TENM2: variants seen among roughly 807,000 people sequenced by gnomAD.
The protein encoded by TENM2 is teneurin-2.
A neutral mutation model predicts 245.2 loss-of-function variants in TENM2; 52 were observed. The observed-to-expected ratio is 0.21, with a 90% CI of 0.17 to 0.27. TENM2 has a LOEUF of 0.27. Ranked by LOEUF, TENM2 falls within the 10% of genes least tolerant of loss-of-function variation. The probability of loss-of-function intolerance (pLI) is 1.00; values close to 1 mark genes in which losing one functional copy is unlikely to be tolerated. For missense variants in TENM2, 3,046 were observed against 3,666.8 expected (o/e 0.83, Z 4.37); for synonymous variants, 1,363 against 1,438.9 (o/e 0.95, Z 1.19).
chr5:167,303,956 AT>A lies in TENM2; in HGVS notation c.226+18898del, dbSNP rs544407948. Among the ~76,000 whole-genome samples, 484 of 152,254 alleles carry A rather than the reference AT, an allele frequency of 3.2e-3. 3 individuals are homozygous for A. Among genetic ancestry groups the A allele is most frequent in the African/African-American group, 0.01 (424 of 41,526 alleles). ...CAAGAAAATTGAGCAATCTGGATTTATTTTTATATAAAATCCCCAGATTTAA... is the reference window on the plus strand; with the variant it reads ...CAAGAAAATTGAGCAATCTGGATTTATTTTATATAAAATCCCCAGATTTAA... On this transcript the variant is annotated intron_variant, in intron 1 of 28. Transcript: ENST00000518659.
the TENM2 span, among the ~76,000 whole-genome samples, chr5:167,141,276 A>C: frequency 2.6e-5 from 4 of 152,242 alleles, no homozygotes; most frequent in African/African-American, 9.6e-5. Context: ...CTCTTGTAGC[A>C]GATGTGGCCT....
chr5:167,925,752 C>T (rs1248640730), intron 3 of TENM2, among the ~76,000 whole-genome samples: 2 of 152,222 alleles, frequency 1.3e-5, no homozygotes, highest in East Asian at 3.8e-4. Context: ...GGTACATATA[C>T]ACCATGGAAT....
chr5:167,383,724 A>T (rs1252071914), intron 2 of TENM2, among the ~76,000 whole-genome samples: 1 of 98,804 alleles, frequency 1.0e-5, no homozygotes, highest in Admixed American at 9.6e-5. Context: ...AAACTGGTGC[A>T]GGATAAAAAA....
At chr5:167,261,020 A>C in the TENM2 span, among the ~76,000 whole-genome samples, 2 of 152,150 alleles carry the variant, frequency 1.3e-5, no homozygotes, top group African/African-American at 4.8e-5. Context: ...AACATGGAAA[A>C]CTTAAATTAG....
At chr5:168,165,647 A>ACCC in intron 13 of TENM2, among the ~76,000 whole-genome samples, 1 of 15,908 alleles carries the variant, frequency 6.3e-5, no homozygotes, top group Non-Finnish European at 1.2e-4. Context: ...TCCCCCCCCC[A>ACCC]ACCCCCCCCC....
intron 3 of TENM2, among the ~76,000 whole-genome samples, chr5:167,951,857 CACAT>C (rs987235056): frequency 3.9e-5 from 6 of 152,176 alleles, no homozygotes; most frequent in Non-Finnish European, 7.3e-5. Flanking sequence ...TGTGTATACA[CACAT>C]ACATACGCAA....
intron 2 of TENM2, among the ~76,000 whole-genome samples, chr5:167,778,377 G>A (rs1763954783): frequency 6.6e-6 from 1 of 152,188 alleles, no homozygotes; most frequent in Admixed American, 6.5e-5. Flanking sequence ...TTTAGGTCTA[G>A]TGTGTTGGGC....
At chr5:166,985,621 GA>G in the TENM2 span, among the ~76,000 whole-genome samples, 1 of 151,998 alleles carries the variant, frequency 6.6e-6, no homozygotes, top group Non-Finnish European at 1.5e-5. Flanking sequence ...ATTACTAAAG[GA>G]AAAAAATCAA....
chr5:167,337,215 G>A (rs992800684), intron 1 of TENM2, among the ~76,000 whole-genome samples: 4 of 148,748 alleles, frequency 2.7e-5, no homozygotes, highest in African/African-American at 9.9e-5. Context: ...AATTTGTAGT[G>A]TACGTAAGAC....
chr5:167,838,491 T>C (rs1769206384), intron 2 of TENM2, among the ~76,000 whole-genome samples: 1 of 152,190 alleles, frequency 6.6e-6, no homozygotes, highest in African/African-American at 2.4e-5. Context: ...GAAGCTTCCA[T>C]TGCTTACTGT....
intron 2 of TENM2, among the ~76,000 whole-genome samples, chr5:167,706,726 G>A (rs1424361151): frequency 6.6e-6 from 1 of 151,862 alleles, no homozygotes; most frequent in Non-Finnish European, 1.5e-5. Flanking sequence ...GTGTTAAAGG[G>A]TTGCCCGGCC....
chr5:167,399,485 C>A (rs1171708864), intron 2 of TENM2, among the ~76,000 whole-genome samples: 1 of 152,112 alleles, frequency 6.6e-6, no homozygotes, highest in Non-Finnish European at 1.5e-5. Flanking sequence ...ACTAGAAATA[C>A]AAAGATAAAT....
At position 167,403,590 on chromosome 5, in the gene TENM2, A is replaced by G. The variant is rs76998951; in HGVS notation, c.502+28117A>G. Among the ~76,000 whole-genome samples, 225 of 152,268 alleles carry G rather than the reference A, an allele frequency of 1.5e-3. 3 individuals carry two copies. The East Asian group carries it at 0.039, about 27-fold the overall frequency. ...AAAAAACTTTTATAACATTTTAAAAACTGGGATTAGAAGATCCTAAAACCT... is the reference window on the plus strand; with the variant it reads ...AAAAAACTTTTATAACATTTTAAAAGCTGGGATTAGAAGATCCTAAAACCT... On this transcript the variant is annotated intron_variant, in intron 2 of 28. Coordinates refer to ENST00000518659, the Ensembl canonical transcript of TENM2.
chr5:167,270,889 C>T, the TENM2 span, among the ~76,000 whole-genome samples: 5 of 152,170 alleles, frequency 3.3e-5, no homozygotes, highest in Non-Finnish European at 5.9e-5. Context: ...ATTTTCCCAT[C>T]TCTAAAACAC....
intron 2 of TENM2, among the ~76,000 whole-genome samples, chr5:167,811,316 G>T (rs1298600176): frequency 2.0e-5 from 3 of 152,068 alleles, no homozygotes; most frequent in South Asian, 4.1e-4. Flanking sequence ...ATGGCTTGGT[G>T]CTGTCCTTGC....
chr5:167,078,723 A>C, the TENM2 span, among the ~76,000 whole-genome samples: 1 of 152,208 alleles, frequency 6.6e-6, no homozygotes, highest in Non-Finnish European at 1.5e-5. Context: ...TTTTCATCAA[A>C]AAACCAACAG....
chr5:168,039,489 T>A (rs1333191237), intron 5 of TENM2, among the ~76,000 whole-genome samples: 1 of 152,188 alleles, frequency 6.6e-6, no homozygotes, highest in Non-Finnish European at 1.5e-5. Context: ...GATATTATCA[T>A]TCTCTAAAGG....
chr5:168,137,061 CATG>C (rs1562203818), intron 12 of TENM2, among the ~76,000 whole-genome samples: 1 of 152,280 alleles, frequency 6.6e-6, no homozygotes, highest in East Asian at 1.9e-4. Flanking sequence ...GACCCAGCAC[CATG>C]CAGTGCAAAC....
intron 2 of TENM2, among the ~76,000 whole-genome samples, chr5:167,675,130 A>G (rs759474932): frequency 1.9e-4 from 29 of 152,124 alleles, no homozygotes; most frequent in East Asian, 5.8e-4. Flanking sequence ...CCCAATGCCA[A>G]TATAATATAA....
Sources: allele counts gnomAD v4.1 joint callset (sites outside exome capture counted in the v4.1 genomes callset), GRCh38; gene constraint gnomAD v4.1.1; transcripts MANE v1.5; gene names NCBI Gene and HGNC (gene_info 2026-07-23, HGNC 2026-07-21).